The following RPS6KC1 variants were observed in gnomAD, a reference collection of about 807,000 sequenced individuals.
RPS6KC1 encodes the protein inactive ribosomal protein S6 kinase delta-1.
RPS6KC1 carries 54 observed loss-of-function variants against 103.8 expected under a neutral mutation model. The observed-to-expected ratio is 0.52, with a 90% CI of 0.42 to 0.65. RPS6KC1 has a LOEUF of 0.65. Among genes scored for constraint, RPS6KC1 ranks in the 30% least tolerant of loss-of-function variants. RPS6KC1 has a pLI of 0.00. For missense variants in RPS6KC1, 1,151 were observed against 1,253.8 expected (o/e 0.92, Z 1.24); for synonymous variants, 439 against 438.7 (o/e 1.00, Z -0.01).
the RPS6KC1 span, among the ~76,000 whole-genome samples, chr1:213,398,962 C>T: frequency 1.3e-5 from 2 of 152,072 alleles, no homozygotes; most frequent in African/African-American, 4.8e-5. Flanking sequence ...ACCTTGGGCC[C>T]TAAGGGTTAT....
the RPS6KC1 span, among the ~76,000 whole-genome samples, chr1:213,551,609 G>A: frequency 1.1e-4 from 16 of 152,276 alleles, no homozygotes; most frequent in East Asian, 1.5e-3. Flanking sequence ...GGGAGTTCCC[G>A]TATATATTGC....
At chr1:213,236,889 T>C (rs1033935376) in intron 10 of RPS6KC1, among the ~76,000 whole-genome samples, 1 of 152,070 alleles carries the variant, frequency 6.6e-6, no homozygotes, top group Non-Finnish European at 1.5e-5. Flanking sequence ...TCTAAAATTA[T>C]AAAACTAATT....
At chr1:213,849,032 C>T in the RPS6KC1 span, among the ~76,000 whole-genome samples, 2 of 152,152 alleles carry the variant, frequency 1.3e-5, no homozygotes, top group Non-Finnish European at 2.9e-5. Flanking sequence ...AGGATGTCAA[C>T]AGAGGCTGAC....
intron 3 of RPS6KC1, among the ~76,000 whole-genome samples, chr1:213,090,279 C>T (rs763943585): frequency 1.2e-4 from 19 of 152,084 alleles, no homozygotes; most frequent in Admixed American, 6.5e-5. Context: ...AAGTAAGAAC[C>T]CTGCCTTGCC....
At chr1:213,423,159 G>A in the RPS6KC1 span, among the ~76,000 whole-genome samples, 3 of 152,222 alleles carry the variant, frequency 2.0e-5, no homozygotes, top group East Asian at 1.9e-4. Context: ...CGAATGTCAT[G>A]TGGCTGAATG....
the RPS6KC1 span, among the ~76,000 whole-genome samples, chr1:213,376,292 C>G: frequency 6.6e-6 from 1 of 152,126 alleles, no homozygotes; most frequent in Middle Eastern, 3.2e-3. Flanking sequence ...TAGCATTTCC[C>G]TAGTCCCTAA....
chr1:213,701,182 G>A, the RPS6KC1 span, among the ~76,000 whole-genome samples: 2 of 151,884 alleles, frequency 1.3e-5, no homozygotes, highest in Non-Finnish European at 2.9e-5. Context: ...TGTGATACTA[G>A]CTGTGTGTCT....
At chr1:213,691,723 C>T in the RPS6KC1 span, among the ~76,000 whole-genome samples, 5 of 152,180 alleles carry the variant, frequency 3.3e-5, no homozygotes, top group Admixed American at 6.6e-5. Flanking sequence ...TAGTATTTGG[C>T]TAGTGGAGAT....
At chr1:213,789,887 T>C in the RPS6KC1 span, among the ~76,000 whole-genome samples, 3 of 152,328 alleles carry the variant, frequency 2.0e-5, no homozygotes, top group Non-Finnish European at 4.4e-5. Context: ...TTGCTACTTG[T>C]GACTATTAAA....
At chr1:213,079,883 A>G (rs1198191774) in intron 3 of RPS6KC1, among the ~76,000 whole-genome samples, 2 of 149,438 alleles carry the variant, frequency 1.3e-5, no homozygotes, top group Non-Finnish European at 3.0e-5. Context: ...TTATATCTGT[A>G]TCTGTAATAA....
intron 8 of RPS6KC1, chr1:213,205,290 A>G: frequency 2.0e-6 from 2 of 984,816 alleles, no homozygotes; most frequent in Non-Finnish European, 2.4e-6. Context: ...CAATTGTTAC[A>G]TATTGGGATT....
the RPS6KC1 span, among the ~76,000 whole-genome samples, chr1:213,370,309 C>T: frequency 7.0e-6 from 1 of 142,822 alleles, no homozygotes; most frequent in Admixed American, 6.7e-5. Context: ...CTTGTCTCCA[C>T]AACCAGGATA....
At chr1:213,861,500 C>A in the RPS6KC1 span, among the ~76,000 whole-genome samples, 2 of 152,296 alleles carry the variant, frequency 1.3e-5, no homozygotes, top group Middle Eastern at 3.4e-3. Context: ...CAACAAGAAT[C>A]TTTTCAGTAG....
downstream of RPS6KC1, among the ~76,000 whole-genome samples, chr1:213,275,589 T>A (rs575704476): frequency 1.3e-5 from 2 of 152,316 alleles, no homozygotes; most frequent in South Asian, 2.1e-4. Flanking sequence ...ATTTTTTTTT[T>A]ATTTGACAAA....
At chr1:213,714,110 C>T in the RPS6KC1 span, among the ~76,000 whole-genome samples, 2 of 152,312 alleles carry the variant, frequency 1.3e-5, no homozygotes, top group South Asian at 2.1e-4. Context: ...CCTCTCAATT[C>T]GTTATCTCTG....
chr1:213,222,931 G>T (rs956912947), intron 8 of RPS6KC1, among the ~76,000 whole-genome samples: 1 of 152,198 alleles, frequency 6.6e-6, no homozygotes, highest in African/African-American at 2.4e-5. Context: ...TCTAATACTA[G>T]TCAAGTATGG....
At chr1:213,395,688 T>A in the RPS6KC1 span, among the ~76,000 whole-genome samples, 1 of 152,152 alleles carries the variant, frequency 6.6e-6, no homozygotes. Flanking sequence ...CTACTAATGG[T>A]TTAATACCTG....
the RPS6KC1 span, among the ~76,000 whole-genome samples, chr1:213,556,467 G>A: frequency 3.3e-5 from 5 of 152,284 alleles, no homozygotes; most frequent in East Asian, 9.6e-4. Context: ...AAAGAACAAA[G>A]GCTGTTAAGA....
intron 3 of RPS6KC1, among the ~76,000 whole-genome samples, chr1:213,079,866 C>G (rs151239265): frequency 1.2e-3 from 187 of 151,162 alleles, no homozygotes; most frequent in African/African-American, 4.3e-3. Flanking sequence ...CCTTTTTTTT[C>G]AAGTACTTAT....
Sources: gnomAD v4.1 joint callset for allele counts (sites outside exome capture counted in the v4.1 genomes callset) on GRCh38, gnomAD v4.1.1 for gene constraint, MANE v1.5 for transcripts, NCBI Gene and HGNC (gene_info 2026-07-23, HGNC 2026-07-21) for gene names.